MAPKBP1: variants seen among roughly 807,000 people sequenced by gnomAD.
The protein encoded by MAPKBP1 is mitogen-activated protein kinase-binding protein 1.
A neutral mutation model predicts 170.5 loss-of-function variants in MAPKBP1; 71 were observed. The observed-to-expected ratio is 0.42, with a 90% CI of 0.34 to 0.51. MAPKBP1 has a LOEUF of 0.51. Among genes scored for constraint, MAPKBP1 ranks in the 20% least tolerant of loss-of-function variants. The pLI is 0.06. For synonymous variants in MAPKBP1, 719 were observed against 757.9 expected, an observed-to-expected ratio of 0.95 and a Z score of 0.84; for missense variants, 1,598 against 1,933.0, an observed-to-expected ratio of 0.83 and a Z score of 3.25.
chr15:41,781,223 G>A (rs931450863), intron 2 of MAPKBP1, among the ~76,000 whole-genome samples: 3 of 151,886 alleles, frequency 2.0e-5, no homozygotes, highest in African/African-American at 7.3e-5. Context: ...TTACAGGCAT[G>A]TGCCACCATG....
At chr15:41,798,567 G>A (rs2096665592) in intron 2 of MAPKBP1, among the ~76,000 whole-genome samples, 1 of 152,106 alleles carries the variant, frequency 6.6e-6, no homozygotes. Flanking sequence ...ACAGGCGTGA[G>A]CAATTGTACC....
chr15:41,780,496 T>C (rs2064167520), intron 2 of MAPKBP1, among the ~76,000 whole-genome samples: 2 of 152,194 alleles, frequency 1.3e-5, no homozygotes, highest in African/African-American at 4.8e-5. Flanking sequence ...ATCCGTTGGT[T>C]TTACTTCATG....
At chr15:41,819,787 C>A in intron 22 of MAPKBP1, 137 bp downstream of exon 22, 1 of 898,046 alleles carries the variant, frequency 1.1e-6, no homozygotes, top group Admixed American at 2.7e-5. Flanking sequence ...CCAAGGAAGG[C>A]CTTGTCGGGG....
intron 2 of MAPKBP1, among the ~76,000 whole-genome samples, chr15:41,784,738 C>T (rs1243444393): frequency 2.8e-5 from 4 of 144,706 alleles, no homozygotes; most frequent in Non-Finnish European, 6.0e-5. Context: ...GCCGAGATGG[C>T]GCCACTACAC....
At chr15:41,784,170 A>G (rs1406184430) in intron 2 of MAPKBP1, among the ~76,000 whole-genome samples, 1 of 152,274 alleles carries the variant, frequency 6.6e-6, no homozygotes, top group Non-Finnish European at 1.5e-5. Context: ...TTTGTATGCC[A>G]TGATTGTTTT....
rs765017245 is a variant in MAPKBP1, at chr15:41,823,947, C to T, written c.4099C>T (p.Leu1367=). 3.1e-6 allele frequency: 5 copies of T among 1,614,162 alleles called. No individual in the cohort carries two copies. Among genetic ancestry groups the T allele is most frequent in the Non-Finnish European group, 4.2e-6 (5 of 1,180,032 alleles). ...GCCCAGCAGCCCCTGTGCCCAGCAACTGCCAGTCAGCAGCCTCTTCCAAGG... is the reference window on the plus strand; with the variant it reads ...GCCCAGCAGCCCCTGTGCCCAGCAATTGCCAGTCAGCAGCCTCTTCCAAGG... ...PGPSSPCAQQ[L]PVSSLFQGPE... The change falls in exon 29 of 31, where the codon CTG becomes TTG. Residue 1367 remains leucine, a synonymous_variant. Transcript: ENST00000457542.
At position 41,814,548 on chromosome 15, in the gene MAPKBP1, A is replaced by C; in HGVS notation, c.981-2A>C. 6.2e-7 allele frequency: 1 copy of C among 1,613,650 alleles called. No individual in the cohort carries two copies. The highest frequency in any genetic ancestry group is 8.5e-7 in the Non-Finnish European group (1 of 1,179,764). ...CCAGTGTGCCCTGTCCTCTCCCTAC[A>C]GTCGCCTCTTCTCTGGAGTGGCGAA... On this transcript the variant is annotated splice_acceptor_variant, in intron 9 of 30. Transcript: ENST00000457542. LOFTEE classifies it high-confidence loss of function.
intron 2 of MAPKBP1, among the ~76,000 whole-genome samples, chr15:41,786,362 T>C (rs1420238125): frequency 2.0e-5 from 3 of 152,112 alleles, no homozygotes; most frequent in Non-Finnish European, 4.4e-5. Context: ...AAGATGGAAG[T>C]CTCTCCAATT....
chr15:41,812,840 C>T (rs2064826727), intron 7 of MAPKBP1, 79 bp from the exon 8 acceptor site: 1 of 1,506,042 alleles, frequency 6.6e-7, no homozygotes. Flanking sequence ...TGGAGGCGTC[C>T]CCTGTACTCT....
intron 30 of MAPKBP1, 65 bp downstream of exon 30, chr15:41,824,634 C>T: frequency 2.1e-6 from 3 of 1,435,958 alleles, no homozygotes; most frequent in Non-Finnish European, 2.8e-6. Context: ...TTTCGGATAA[C>T]CATGTCCAGA....
At chr15:41,786,763 T>TAAAAAAAAAAAAA (rs1232815975) in intron 2 of MAPKBP1, among the ~76,000 whole-genome samples, 1 of 30,620 alleles carries the variant, frequency 3.3e-5, no homozygotes, top group Non-Finnish European at 5.5e-5. Flanking sequence ...AGACTCCGTC[T>TAAAAAAAAAAAAA]AAAAAAAAAA....
intron 2 of MAPKBP1, among the ~76,000 whole-genome samples, chr15:41,796,373 G>A (rs777190745): frequency 4.6e-5 from 7 of 152,154 alleles, no homozygotes; most frequent in Non-Finnish European, 8.8e-5. Context: ...GTTATCAGAG[G>A]GAGAGTCAGT....
At position 41,785,318 on chromosome 15, in the gene MAPKBP1, C is replaced by T. The variant is rs953809087; in HGVS notation, c.114+9929C>T. On this transcript the variant is annotated intron_variant, in intron 2 of 30. Transcript: ENST00000457542. The stretch of plus-strand genomic sequence containing the variant: ...TTCTTGCCAATATTCTAACTTGTAT[C>T]GATAATACTGACCAAAAGGAAGGCT... Among the ~76,000 whole-genome samples the T allele has an allele frequency of 5.9e-5, 9 of 152,008 alleles. No homozygotes were observed. In the South Asian group the frequency reaches 6.2e-4, roughly 11 times the overall value.
chr15:41,802,863 C>T (rs1393244261), intron 3 of MAPKBP1, among the ~76,000 whole-genome samples: 1 of 152,164 alleles, frequency 6.6e-6, no homozygotes, highest in Non-Finnish European at 1.5e-5. Context: ...CACAAACACA[C>T]ACATTAGCCT....
At chr15:41,802,492 G>A (rs568132985) in intron 3 of MAPKBP1, among the ~76,000 whole-genome samples, 1 of 151,534 alleles carries the variant, frequency 6.6e-6, no homozygotes, top group East Asian at 1.9e-4. Context: ...TCTTTTTTCC[G>A]AGATGGAGTC....
At chr15:41,792,641 C>T (rs1315635126) in intron 2 of MAPKBP1, among the ~76,000 whole-genome samples, 1 of 152,190 alleles carries the variant, frequency 6.6e-6, no homozygotes, top group African/African-American at 2.4e-5. Context: ...TGCCAGCTGC[C>T]TGCAGCAGTT....
At chr15:41,802,879 A>G (rs780598186) in intron 3 of MAPKBP1, among the ~76,000 whole-genome samples, 7 of 152,218 alleles carry the variant, frequency 4.6e-5, no homozygotes, top group Non-Finnish European at 8.8e-5. Flanking sequence ...AGCCTAGCGC[A>G]TAGAACTACA....
At chr15:41,781,871 T>TAGTGGCTC (rs752439879) in intron 2 of MAPKBP1, among the ~76,000 whole-genome samples, 42 of 152,186 alleles carry the variant, frequency 2.8e-4, no homozygotes, top group Non-Finnish European at 6.0e-4. Context: ...CATCTTCCTT[T>TAGTGGCTC]AGTGGCTCTT....
intron 2 of MAPKBP1, among the ~76,000 whole-genome samples, chr15:41,790,228 A>G (rs1408045842): frequency 6.6e-6 from 1 of 152,242 alleles, no homozygotes; most frequent in African/African-American, 2.4e-5. Flanking sequence ...GACTAACCCA[A>G]GAGAGGCTAA....
Sources: gnomAD v4.1 joint callset for allele counts (sites outside exome capture counted in the v4.1 genomes callset) on GRCh38, gnomAD v4.1.1 for gene constraint, MANE v1.5 for transcripts, NCBI Gene and HGNC (gene_info 2026-07-23, HGNC 2026-07-21) for gene names.